Variants in CHSY3 observed in about 807,000 individuals in gnomAD.
The protein encoded by CHSY3 is N-acetylgalactosaminyl-proteoglycan 3-beta-glucuronosyltransferase 3.
Under a neutral mutation model 67.2 loss-of-function variants are expected in CHSY3, and 35 were observed. The observed-to-expected ratio is 0.52, with a 90% CI of 0.40 to 0.69. CHSY3 has a LOEUF of 0.69. Ranked by LOEUF, CHSY3 falls within the 30% of genes least tolerant of loss-of-function variation. The pLI, the probability that CHSY3 is intolerant of heterozygous loss-of-function variation, is 0.00. For synonymous variants in CHSY3, 474 were observed against 434.7 expected (o/e 1.09, Z -1.12); for missense variants, 1,069 against 1,138.5 (o/e 0.94, Z 0.88).
At chr5:129,934,265 G>A (rs956567305) in intron 2 of CHSY3, among the ~76,000 whole-genome samples, 2 of 152,026 alleles carry the variant, frequency 1.3e-5, no homozygotes, top group South Asian at 2.1e-4. Context: ...CTTTATTTAA[G>A]ATATACATTA....
At chr5:129,944,524 G>A (rs1442969887) in intron 2 of CHSY3, among the ~76,000 whole-genome samples, 2 of 151,952 alleles carry the variant, frequency 1.3e-5, no homozygotes, top group South Asian at 2.1e-4. Context: ...TGGTAGAGAC[G>A]GGGTTTCAGC....
At chr5:130,150,716 G>T (rs1297940513) in intron 2 of CHSY3, among the ~76,000 whole-genome samples, 2 of 152,148 alleles carry the variant, frequency 1.3e-5, no homozygotes, top group Non-Finnish European at 2.9e-5. Context: ...AAGGACATTA[G>T]CACCGATGTC....
At chr5:130,151,086 A>G (rs1203082480) in intron 2 of CHSY3, among the ~76,000 whole-genome samples, 1 of 152,196 alleles carries the variant, frequency 6.6e-6, no homozygotes, top group Non-Finnish European at 1.5e-5. Context: ...GTTCAGCATC[A>G]TTAAGAACCA....
intron 2 of CHSY3, among the ~76,000 whole-genome samples, chr5:129,929,152 A>T (rs2149587556): frequency 6.6e-6 from 1 of 152,338 alleles, no homozygotes; most frequent in Non-Finnish European, 1.5e-5. Context: ...GACAAAGGTC[A>T]GACAGTAAAG....
chr5:130,118,042 G>T (rs1767874825), intron 2 of CHSY3, among the ~76,000 whole-genome samples: 1 of 151,984 alleles, frequency 6.6e-6, no homozygotes, highest in Non-Finnish European at 1.5e-5. Context: ...CACTCCCCCT[G>T]CCCCTCTTGC....
chr5:129,934,173 CAA>C (rs1238964803), intron 2 of CHSY3, among the ~76,000 whole-genome samples: 1 of 151,848 alleles, frequency 6.6e-6, no homozygotes, highest in African/African-American at 2.4e-5. Context: ...AAAATGATCT[CAA>C]TATTTATTAT....
chr5:129,944,545 G>A (rs1038695810), intron 2 of CHSY3, among the ~76,000 whole-genome samples: 2 of 152,096 alleles, frequency 1.3e-5, no homozygotes, highest in South Asian at 2.1e-4. Flanking sequence ...ATGTTGGTCA[G>A]GCTGGTCTTG....
rs769289074 is a variant in CHSY3 at position 129,948,742 on chromosome 5, GTTC to G, written c.1086+40385_1086+40387del. On this transcript the variant is annotated intron_variant, in intron 2 of 2. Transcript: ENST00000305031. ...GGATCAAATGGTAGTTCTACTTTTA[GTTC>G]TTTAAGGAATCTCCATATGGTTTTC... 3.2e-4 allele frequency among the ~76,000 whole-genome samples: 49 copies of G among 152,148 alleles called. 1 individual carries two copies. Among genetic ancestry groups the G allele is most frequent in the Non-Finnish European group, 2.8e-4 (19 of 68,008 alleles).
chr5:129,931,060 T>G (rs556013194), intron 2 of CHSY3, among the ~76,000 whole-genome samples: 1 of 151,748 alleles, frequency 6.6e-6, no homozygotes, highest in Non-Finnish European at 1.5e-5. Context: ...TCATGCTAAC[T>G]GAATTTTTTT....
At chr5:130,129,818 C>G (rs1768421974) in intron 2 of CHSY3, among the ~76,000 whole-genome samples, 1 of 152,036 alleles carries the variant, frequency 6.6e-6, no homozygotes, top group African/African-American at 2.4e-5. Flanking sequence ...ACCACATTGC[C>G]TGAGTGACCA....
At chr5:130,105,879 C>T (rs1767396223) in intron 2 of CHSY3, among the ~76,000 whole-genome samples, 1 of 151,496 alleles carries the variant, frequency 6.6e-6, no homozygotes, top group South Asian at 2.1e-4. Context: ...TCTCAAAGTT[C>T]CAATAATTGA....
At chr5:130,152,594 G>T (rs1383397608) in intron 2 of CHSY3, among the ~76,000 whole-genome samples, 1 of 151,896 alleles carries the variant, frequency 6.6e-6, no homozygotes, top group Non-Finnish European at 1.5e-5. Flanking sequence ...TAAAATTGGA[G>T]GTAAATAAAT....
rs1481721708 is a variant in CHSY3, at chr5:130,136,838, T to C, written c.1087-47391T>C. Reference sequence around the variant, plus strand: ...AAAATATAAAGCATATAATAAATGTTATTGAATTCACCACCCAACCCAAGA... The same window carrying C: ...AAAATATAAAGCATATAATAAATGTCATTGAATTCACCACCCAACCCAAGA... On this transcript the variant is annotated intron_variant, in intron 2 of 2. Coordinates refer to ENST00000305031, the MANE Select transcript of CHSY3 (RefSeq NM_175856.5). Among the ~76,000 whole-genome samples the C allele has an allele frequency of 2.0e-5, 3 of 152,290 alleles. No individual in the cohort carries two copies. The South Asian group carries it at 6.2e-4, about 32-fold the overall frequency.
chr5:129,914,248 T>TG (rs1760667292), intron 2 of CHSY3, among the ~76,000 whole-genome samples: 1 of 152,074 alleles, frequency 6.6e-6, no homozygotes, highest in Non-Finnish European at 1.5e-5. Context: ...GTAGCTGGGA[T>TG]TACAGACATG....
intron 2 of CHSY3, among the ~76,000 whole-genome samples, chr5:129,930,510 G>T (rs114701103): frequency 0.014 from 1,992 of 145,224 alleles, 69 homozygotes; most frequent in African/African-American, 0.049. Context: ...ATCACTGGCG[G>T]GGGGGGGGTA....
Position 129,905,605 on chromosome 5 carries a change from G to A in CHSY3, c.776G>A (p.Arg259His). The A allele has an allele frequency of 6.2e-7, 1 of 1,613,692 alleles. No homozygotes were observed. Among genetic ancestry groups the A allele is most frequent in the Admixed American group, 1.7e-5 (1 of 60,018 alleles). Residue 259 changes from arginine to histidine, a missense_variant, in exon 1 of 3, where the codon CGC (arginine) becomes CAC (histidine). By Grantham distance (29) the Arg-to-His change is conservative (BLOSUM62 0). Around this residue, in one of 5 missense-constraint regions of CHSY3, gnomAD observed 216 missense variants for 311.5 expected, o/e 0.69. Transcript: ENST00000305031. ...HYLDKYEWFM[R>H]ADDDVYIKGD... is the part of the protein sequence containing the mutation. ...CTGGACAAGTATGAGTGGTTCATGC[G>A]CGCCGACGACGATGTCTACATCAAA...
At chr5:129,941,402 G>A (rs1761694696) in intron 2 of CHSY3, among the ~76,000 whole-genome samples, 1 of 152,022 alleles carries the variant, frequency 6.6e-6, no homozygotes, top group Non-Finnish European at 1.5e-5. Flanking sequence ...ATATGAGACA[G>A]GGCCATATTA....
chr5:130,052,992 A>G (rs919282278), intron 2 of CHSY3, among the ~76,000 whole-genome samples: 13 of 152,168 alleles, frequency 8.5e-5, no homozygotes, highest in Admixed American at 8.5e-4. Flanking sequence ...ACAAGGAGTG[A>G]ATTGGATAAC....
rs566605785 is a variant in CHSY3 at position 129,999,651 on chromosome 5, C to T, written c.1086+91291C>T. On this transcript the variant is annotated intron_variant, in intron 2 of 2. Coordinates refer to ENST00000305031, the MANE Select transcript of CHSY3 (RefSeq NM_175856.5). ...ATTCTCTTCCTCATTCAGATTGCTCCAGCTACCCTGGAATTATTTCAGTTT... is the reference window on the plus strand; with the variant it reads ...ATTCTCTTCCTCATTCAGATTGCTCTAGCTACCCTGGAATTATTTCAGTTT... Among the ~76,000 whole-genome samples, 3 of 152,226 alleles carry T rather than the reference C, an allele frequency of 2.0e-5. No individual in the cohort carries two copies. The South Asian group carries it at 6.2e-4, about 32-fold the overall frequency.
Sources: allele counts gnomAD v4.1 joint callset (sites outside exome capture counted in the v4.1 genomes callset), GRCh38; gene constraint gnomAD v4.1.1; regional missense constraint gnomAD v4.1.1; transcripts MANE v1.5; gene names NCBI Gene and HGNC (gene_info 2026-07-23, HGNC 2026-07-21).